Variants in NFIA observed in about 807,000 individuals in gnomAD.
NFIA encodes nuclear factor 1 A-type.
A neutral mutation model predicts 62.8 loss-of-function variants in NFIA; 8 were observed. The ratio of observed to expected loss-of-function variants is 0.13; its 90% confidence interval spans 0.07 to 0.23. NFIA has a LOEUF of 0.23. NFIA is among the 10% of genes least tolerant of loss of function. NFIA has a pLI of 1.00. For synonymous variants in NFIA, 235 were observed against 238.1 expected (o/e 0.99, Z 0.12); for missense variants, 410 against 642.1 (o/e 0.64, Z 3.91).
At chr1:61,109,493 A>AC (rs1553151332) in intron 2 of NFIA, among the ~76,000 whole-genome samples, 2 of 150,114 alleles carry the variant, frequency 1.3e-5, no homozygotes, top group Non-Finnish European at 3.0e-5. Context: ...TCTTATGAGT[A>AC]TTTTTTTTTG....
chr1:61,427,777 T>C (rs972678170), intron 10 of NFIA, among the ~76,000 whole-genome samples: 4 of 152,156 alleles, frequency 2.6e-5, no homozygotes, highest in Admixed American at 6.5e-5. Flanking sequence ...ACTCTTGAAT[T>C]TCCCACCTCT....
At chr1:61,353,170 C>G (rs1048989612) in intron 5 of NFIA, among the ~76,000 whole-genome samples, 14 of 151,932 alleles carry the variant, frequency 9.2e-5, no homozygotes, top group African/African-American at 3.4e-4. Context: ...CTGGAGTTGC[C>G]CTAAAAGGTG....
At position 61,211,292 on chromosome 1, in the gene NFIA, T is replaced by A. The variant is rs193208263; in HGVS notation, c.560-66228T>A. 2.4e-4 allele frequency among the ~76,000 whole-genome samples: 36 copies of A among 152,344 alleles called. 2 individuals carry two copies. In the East Asian group the frequency reaches 6.8e-3, roughly 29 times the overall value. On this transcript the variant is annotated intron_variant, in intron 2 of 10. Transcript: ENST00000403491. ...ATGTTTCTCAGTCATTGAGACCTTA[T>A]GAAGCCTTAATAATATTTAGAAGAT...
At chr1:61,332,717 A>G (rs1323760661) in intron 4 of NFIA, 131 bp downstream of exon 4, 10 of 659,260 alleles carry the variant, frequency 1.5e-5, no homozygotes, top group East Asian at 2.9e-5. Flanking sequence ...GAATTTTGAC[A>G]CACAGTTTGT....
At chr1:61,215,170 A>T (rs1653535184) in intron 2 of NFIA, among the ~76,000 whole-genome samples, 1 of 152,242 alleles carries the variant, frequency 6.6e-6, no homozygotes. Context: ...ATATTAAAAA[A>T]TACCTTTGAT....
At chr1:61,328,784 G>T (rs1302659813) in intron 3 of NFIA, among the ~76,000 whole-genome samples, 1 of 141,782 alleles carries the variant, frequency 7.1e-6, no homozygotes. Flanking sequence ...GTGCAGTGGC[G>T]CAATCTCAGC....
At chr1:61,453,114 G>A (rs1569920965) in intron 10 of NFIA, among the ~76,000 whole-genome samples, 1 of 152,182 alleles carries the variant, frequency 6.6e-6, no homozygotes, top group Admixed American at 6.5e-5. Context: ...TTTTTGGAGT[G>A]GGGGTCTTGC....
intron 2 of NFIA, among the ~76,000 whole-genome samples, chr1:61,264,955 A>G (rs781368598): frequency 6.6e-6 from 1 of 152,202 alleles, no homozygotes; most frequent in Non-Finnish European, 1.5e-5. Context: ...GTGGGACCCC[A>G]TGACTGGTTA....
At chr1:61,199,068 G>A (rs141949511) in intron 2 of NFIA, among the ~76,000 whole-genome samples, 82 of 152,312 alleles carry the variant, frequency 5.4e-4, no homozygotes, top group Non-Finnish European at 1.0e-3. Flanking sequence ...GGGAGAAGGA[G>A]TGGTGTGAAG....
intron 7 of NFIA, among the ~76,000 whole-genome samples, chr1:61,402,462 T>A (rs1293244791): frequency 6.6e-6 from 1 of 152,198 alleles, no homozygotes. Context: ...GTTTATTCAG[T>A]CATTCACTGC....
In NFIA at chr1:61,088,647, G is replaced by A; in HGVS notation, c.526G>A (p.Asp176Asn). 6.2e-7 allele frequency: 1 copy of A among 1,613,742 alleles called. No individual in the cohort carries two copies. The highest frequency in any genetic ancestry group is 8.5e-7 in the Non-Finnish European group (1 of 1,179,828). Residue 176 changes from aspartate to asparagine, a missense_variant, in exon 2 of 11, where the codon GAT becomes AAT. Physicochemically the swap from Asp to Asn is conservative, Grantham distance 23. Transcript: ENST00000403491. The surrounding 1 kb of genome is among the most constrained non-coding windows in gnomAD (Gnocchi z 4.5). Reference sequence around the variant, plus strand: ...CATAGGGGTTTCTGTTAAGGAACTCGATTTATATTTGGCATACTTTGTGCA... The same window carrying A: ...CATAGGGGTTTCTGTTAAGGAACTCAATTTATATTTGGCATACTTTGTGCA... ...HHIGVSVKELDLYLAYFVHAA... is the reference protein window; with the variant it reads ...HHIGVSVKELNLYLAYFVHAA...
chr1:61,117,537 C>A (rs1286296834), intron 2 of NFIA, among the ~76,000 whole-genome samples: 1 of 151,970 alleles, frequency 6.6e-6, no homozygotes, highest in Non-Finnish European at 1.5e-5. Flanking sequence ...CCTGGATAGG[C>A]ACAGTTTTTA....
chr1:61,267,221 CT>C (rs1657229015), intron 2 of NFIA, among the ~76,000 whole-genome samples: 1 of 152,260 alleles, frequency 6.6e-6, no homozygotes, highest in South Asian at 2.1e-4. Flanking sequence ...TATTTTTATA[CT>C]TTTAGGCTGG....
At chr1:61,174,267 G>A (rs1432725539) in intron 2 of NFIA, among the ~76,000 whole-genome samples, 2 of 152,154 alleles carry the variant, frequency 1.3e-5, no homozygotes, top group South Asian at 2.1e-4. Context: ...AAACACATGC[G>A]CTCTCAGCAG....
At chr1:61,443,038 C>T (rs1667654722) in intron 10 of NFIA, among the ~76,000 whole-genome samples, 1 of 152,092 alleles carries the variant, frequency 6.6e-6, no homozygotes, top group African/African-American at 2.4e-5. Flanking sequence ...TTAGAAAACC[C>T]TTAATGTTTT....
At position 61,199,012 on chromosome 1, in the gene NFIA, A is replaced by G. The variant is rs957065801; in HGVS notation, c.560-78508A>G. Reference sequence around the variant, plus strand: ...GCCCACTAAAAAATCATCACTCTCCAATTCTCTCACCTCCCATTTTGAAAT... The same window carrying G: ...GCCCACTAAAAAATCATCACTCTCCGATTCTCTCACCTCCCATTTTGAAAT... On this transcript the variant is annotated intron_variant, in intron 2 of 10. Coordinates refer to ENST00000403491, the MANE Select transcript of NFIA (RefSeq NM_001134673.4). Among the ~76,000 whole-genome samples, 11 of 152,150 alleles carry G rather than the reference A, an allele frequency of 7.2e-5. No individual in the cohort carries two copies. The East Asian group carries it at 2.1e-3, about 29-fold the overall frequency.
chr1:61,298,239 C>T (rs1659296368), intron 3 of NFIA, among the ~76,000 whole-genome samples: 1 of 152,180 alleles, frequency 6.6e-6, no homozygotes, highest in Non-Finnish European at 1.5e-5. Context: ...CTCACACACG[C>T]TCTCTCTTGC....
intron 5 of NFIA, 102 bp from the exon 6 acceptor site, chr1:61,359,045 C>T: frequency 6.6e-7 from 1 of 1,506,466 alleles, no homozygotes; most frequent in Admixed American, 2.0e-5. Context: ...CATTAAGTTG[C>T]CCAATTGCTT....
intron 2 of NFIA, among the ~76,000 whole-genome samples, chr1:61,273,153 T>C (rs1570490642): frequency 6.6e-6 from 1 of 152,302 alleles, no homozygotes; most frequent in African/African-American, 2.4e-5. Flanking sequence ...ATCAAGAAAT[T>C]CACAACAGCA....
Sources: allele counts gnomAD v4.1 joint callset (sites outside exome capture counted in the v4.1 genomes callset), GRCh38; gene constraint gnomAD v4.1.1; non-coding constraint Gnocchi (gnomAD v3.1); transcripts MANE v1.5; gene names NCBI Gene and HGNC (gene_info 2026-07-23, HGNC 2026-07-21).